The following GNG4 variants were observed in gnomAD, a reference collection of about 807,000 sequenced individuals.
GNG4 encodes G protein subunit gamma 4.
GNG4 carries 4 observed loss-of-function variants against 5.8 expected under a neutral mutation model. That is an observed-to-expected ratio of 0.69 (90% CI 0.34 to 1.57). GNG4 has a LOEUF of 1.57. Among genes scored for constraint, GNG4 ranks in the 40% most tolerant of loss-of-function variants. The pLI is 0.06. For synonymous variants in GNG4, 29 were observed against 32.9 expected (o/e 0.88, Z 0.41); for missense variants, 96 against 95.1 (o/e 1.01, Z -0.04).
chr1:235,585,045 C>T (rs544953367), intron 2 of GNG4, among the ~76,000 whole-genome samples: 1 of 152,180 alleles, frequency 6.6e-6, no homozygotes, highest in African/African-American at 2.4e-5. Flanking sequence ...CCACCTACCT[C>T]CTATGGGCAA....
At chr1:235,626,012 G>C (rs549305054) in intron 1 of GNG4, among the ~76,000 whole-genome samples, 52 of 152,326 alleles carry the variant, frequency 3.4e-4, no homozygotes, top group African/African-American at 1.1e-3. Flanking sequence ...CTGCCAAACT[G>C]TCTTCCAAAG....
At position 235,608,811 on chromosome 1, in the gene GNG4, G is replaced by A. The variant is rs1419778641; in HGVS notation, c.-122-13300C>T. On this transcript the variant is annotated intron_variant, in intron 1 of 3. Transcript: ENST00000391854. Reference sequence around the variant, plus strand: ...TAATCCTCCTGCCTCAGCCTCCTGAGTAGCTGGGATTACAGGTGCCCACCA... The same window carrying A: ...TAATCCTCCTGCCTCAGCCTCCTGAATAGCTGGGATTACAGGTGCCCACCA... 3.9e-5 allele frequency among the ~76,000 whole-genome samples: 6 copies of A among 152,098 alleles called. No individual in the cohort carries two copies. In the East Asian group the frequency reaches 1.2e-3, roughly 29 times the overall value.
chr1:235,624,600 C>T (rs745602693), intron 1 of GNG4, among the ~76,000 whole-genome samples: 4 of 152,144 alleles, frequency 2.6e-5, no homozygotes, highest in South Asian at 2.1e-4. Context: ...AACCATTCCT[C>T]GGGCAAACCA....
chr1:235,578,691 G>C (rs1252420902), intron 3 of GNG4, among the ~76,000 whole-genome samples: 1 of 152,200 alleles, frequency 6.6e-6, no homozygotes, highest in Non-Finnish European at 1.5e-5. Context: ...AATACTGCAT[G>C]ATCTCACTTA....
At chr1:235,646,172 C>T (rs896226284) in intron 1 of GNG4, among the ~76,000 whole-genome samples, 1 of 152,180 alleles carries the variant, frequency 6.6e-6, no homozygotes. Flanking sequence ...CCCAGCAACT[C>T]AGAGAGAAAT....
At chr1:235,570,036 C>T (rs1261728913) in intron 3 of GNG4, among the ~76,000 whole-genome samples, 6 of 152,112 alleles carry the variant, frequency 3.9e-5, no homozygotes, top group Non-Finnish European at 8.8e-5. Context: ...TTCTGGAATA[C>T]GGCAAGCAGT....
At chr1:235,564,186 C>T (rs1017179266) in intron 3 of GNG4, among the ~76,000 whole-genome samples, 6 of 152,080 alleles carry the variant, frequency 3.9e-5, no homozygotes, top group Non-Finnish European at 5.9e-5. Context: ...AAATGCCACA[C>T]GTTCTCATTT....
intron 2 of GNG4, among the ~76,000 whole-genome samples, chr1:235,593,802 A>C (rs1032835636): frequency 2.6e-5 from 4 of 151,982 alleles, no homozygotes; most frequent in African/African-American, 9.7e-5. Context: ...TGGCTTCAGG[A>C]GTGAAGCCGC....
chr1:235,622,390 G>T lies in GNG4; in HGVS notation c.-122-26879C>A, dbSNP rs76315147. On this transcript the variant is annotated intron_variant, in intron 1 of 3. Transcript: ENST00000391854. ...TGTCCTAAGCATGTGTAGCTAAGGG[G>T]TGAGGCTGGAACTTTTGTGGTTCAT... Among the ~76,000 whole-genome samples, 32 of 152,260 alleles carry T rather than the reference G, an allele frequency of 2.1e-4. 1 individual carries two copies. In the East Asian group the frequency reaches 6.2e-3, roughly 29 times the overall value.
intron 1 of GNG4, among the ~76,000 whole-genome samples, chr1:235,596,783 T>C (rs1030964988): frequency 1.9e-4 from 29 of 152,164 alleles, no homozygotes; most frequent in African/African-American, 6.3e-4. Flanking sequence ...TGGAGTGCAG[T>C]GGAAAAATCA....
chr1:235,563,847 T>C (rs564772081), intron 3 of GNG4, among the ~76,000 whole-genome samples: 1 of 152,320 alleles, frequency 6.6e-6, no homozygotes, highest in African/African-American at 2.4e-5. Context: ...GTATAAACTG[T>C]AGCATGTAGT....
intron 1 of GNG4, among the ~76,000 whole-genome samples, chr1:235,600,029 TAACAC>T (rs1257509206): frequency 6.8e-6 from 1 of 147,358 alleles, no homozygotes; most frequent in Non-Finnish European, 1.5e-5. Context: ...TTTCTCAAAA[TAACAC>T]AGATTGTTGG....
intron 3 of GNG4, among the ~76,000 whole-genome samples, chr1:235,574,987 G>C (rs958021552): frequency 6.6e-6 from 1 of 152,076 alleles, no homozygotes; most frequent in Non-Finnish European, 1.5e-5. Flanking sequence ...ACCACACCCA[G>C]CTAATTTTTG....
chr1:235,615,895 C>A, intron 1 of GNG4: 3 of 283,844 alleles, frequency 1.1e-5, no homozygotes, highest in South Asian at 3.9e-5. Flanking sequence ...GCAGGCTCCC[C>A]AGAGTGCCTG....
chr1:235,624,997 G>A (rs1401134868), intron 1 of GNG4, among the ~76,000 whole-genome samples: 7 of 152,208 alleles, frequency 4.6e-5, no homozygotes, highest in Admixed American at 3.9e-4. Flanking sequence ...GCCTGCTGAG[G>A]ACCCACACTG....
Position 235,641,271 on chromosome 1 carries a change from CCCCAGCTACTTAGGAGA to C in GNG4, c.-123+8374_-123+8390del, listed in dbSNP as rs1370596927. 2.0e-5 allele frequency among the ~76,000 whole-genome samples: 3 copies of C among 151,978 alleles called. No homozygotes were observed. In the East Asian group the frequency reaches 5.8e-4, roughly 29 times the overall value. Reference sequence around the variant, plus strand: ...CGGGCATGGTGGTGGGCAACTGTAGCCCCAGCTACTTAGGAGACTGAAGTGGAAGGCTCACTTGAACT... The same window carrying C: ...CGGGCATGGTGGTGGGCAACTGTAGCCTGAAGTGGAAGGCTCACTTGAACT... On this transcript the variant is annotated intron_variant, in intron 1 of 3. Transcript: ENST00000391854.
intron 3 of GNG4, among the ~76,000 whole-genome samples, chr1:235,578,812 T>G (rs1333440877): frequency 6.6e-6 from 1 of 152,040 alleles, no homozygotes; most frequent in Non-Finnish European, 1.5e-5. Flanking sequence ...ACACAAAGTT[T>G]CAGGGCTGGC....
chr1:235,593,446 T>A (rs113078703), intron 2 of GNG4, among the ~76,000 whole-genome samples: 3 of 152,190 alleles, frequency 2.0e-5, no homozygotes, highest in African/African-American at 7.2e-5. Context: ...ACGACTTCTG[T>A]CCATGAGCAC....
At chr1:235,589,577 G>A (rs1310074041) in intron 2 of GNG4, among the ~76,000 whole-genome samples, 1 of 152,200 alleles carries the variant, frequency 6.6e-6, no homozygotes, top group Non-Finnish European at 1.5e-5. Flanking sequence ...AGCATGGGCT[G>A]GAACCTGACC....
Sources: allele counts gnomAD v4.1 joint callset (sites outside exome capture counted in the v4.1 genomes callset), GRCh38; gene constraint gnomAD v4.1.1; transcripts MANE v1.5; gene names NCBI Gene and HGNC (gene_info 2026-07-23, HGNC 2026-07-21).